SOX5: variants seen among roughly 807,000 people sequenced by gnomAD.
SOX5 encodes the protein SRY-box transcription factor 5.
SOX5 carries 9 observed loss-of-function variants against 92.0 expected under a neutral mutation model. The ratio of observed to expected loss-of-function variants is 0.10; its 90% CI spans 0.06 to 0.17. The LOEUF (loss-of-function observed/expected upper bound fraction) is 0.17, where lower values mean the gene tolerates loss of function less well. SOX5 is among the 10% of genes least tolerant of loss of function. SOX5 has a pLI of 1.00. For missense variants in SOX5, 642 were observed against 944.5 expected (o/e 0.68, Z 4.20); for synonymous variants, 344 against 336.3 (o/e 1.02, Z -0.25).
intron 4 of SOX5, among the ~76,000 whole-genome samples, chr12:23,986,310 C>T (rs748952318): frequency 5.9e-5 from 9 of 151,738 alleles, no homozygotes; most frequent in Non-Finnish European, 1.0e-4. Context: ...GGAAGACATA[C>T]GACAAAATCC....
chr12:23,736,448 C>A (rs1456245087), intron 5 of SOX5, among the ~76,000 whole-genome samples: 2 of 151,700 alleles, frequency 1.3e-5, no homozygotes, highest in Non-Finnish European at 2.9e-5. Flanking sequence ...GGTGACAGAG[C>A]GAGACTCCGT....
At chr12:24,227,426 T>A (rs984249453) in intron 3 of SOX5, 5 of 152,198 alleles carry the variant, frequency 3.3e-5, no homozygotes, top group Non-Finnish European at 5.9e-5. Flanking sequence ...TTGATTTTCC[T>A]TTTACCCTTG....
At chr12:23,796,812 G>C (rs532292540) in intron 3 of SOX5, among the ~76,000 whole-genome samples, 1 of 149,366 alleles carries the variant, frequency 6.7e-6, no homozygotes, top group Non-Finnish European at 1.5e-5. Flanking sequence ...GTATATATGT[G>C]TGTATATTTA....
At chr12:24,112,333 T>C (rs558593995) in intron 4 of SOX5, among the ~76,000 whole-genome samples, 1 of 152,216 alleles carries the variant, frequency 6.6e-6, no homozygotes, top group East Asian at 1.9e-4. Context: ...GTACTATGTA[T>C]AGCTACATTC....
At chr12:24,540,170 C>A (rs1165912461) in intron 1 of SOX5, among the ~76,000 whole-genome samples, 2 of 152,030 alleles carry the variant, frequency 1.3e-5, no homozygotes, top group Non-Finnish European at 1.5e-5. Flanking sequence ...GAAGAATCTG[C>A]CAACATAGGA....
intron 7 of SOX5, among the ~76,000 whole-genome samples, chr12:23,655,791 A>G (rs1437799984): frequency 6.6e-6 from 1 of 152,158 alleles, no homozygotes; most frequent in African/African-American, 2.4e-5. Context: ...TTAAACCTCT[A>G]GAAGTTAATA....
intron 6 of SOX5, among the ~76,000 whole-genome samples, chr12:23,730,192 G>A (rs896136308): frequency 6.6e-6 from 1 of 152,010 alleles, no homozygotes; most frequent in Non-Finnish European, 1.5e-5. Context: ...GATGGGGACT[G>A]TAGAATAGGC....
intron 2 of SOX5, among the ~76,000 whole-genome samples, chr12:24,312,993 T>A (rs1160649234): frequency 6.6e-6 from 1 of 152,168 alleles, no homozygotes; most frequent in Non-Finnish European, 1.5e-5. Context: ...CAGCCCCGGT[T>A]GTATGCTTTT....
intron 4 of SOX5, among the ~76,000 whole-genome samples, chr12:24,097,068 T>C (rs922634176): frequency 6.6e-6 from 1 of 152,160 alleles, no homozygotes; most frequent in Non-Finnish European, 1.5e-5. Flanking sequence ...TTGTTTTAAA[T>C]TCTGACTGTC....
intron 4 of SOX5, among the ~76,000 whole-genome samples, chr12:24,054,300 A>G (rs565801924): frequency 6.6e-6 from 1 of 152,312 alleles, no homozygotes; most frequent in South Asian, 2.1e-4. Context: ...CTGCCAAAGA[A>G]CCTACATCTT....
At chr12:24,064,951 C>T (rs975785232) in intron 4 of SOX5, among the ~76,000 whole-genome samples, 2 of 152,184 alleles carry the variant, frequency 1.3e-5, no homozygotes, top group Non-Finnish European at 2.9e-5. Context: ...ATATATTCCC[C>T]TTAGATACTA....
intron 1 of SOX5, among the ~76,000 whole-genome samples, chr12:24,432,168 G>A (rs1938479538): frequency 1.3e-5 from 2 of 152,232 alleles, no homozygotes; most frequent in South Asian, 2.1e-4. Context: ...TCTGTTGTGG[G>A]TTTTAGCACA....
intron 3 of SOX5, among the ~76,000 whole-genome samples, chr12:23,843,980 T>C (rs915386613): frequency 2.6e-5 from 4 of 152,222 alleles, no homozygotes; most frequent in East Asian, 1.9e-4. Flanking sequence ...AGACTTATGA[T>C]AGGGTTATGT....
chr12:24,537,930 C>A (rs968333525), intron 1 of SOX5, among the ~76,000 whole-genome samples: 5 of 152,150 alleles, frequency 3.3e-5, no homozygotes, highest in Admixed American at 2.6e-4. Context: ...TGGTACTTTT[C>A]CACAGTTACA....
intron 4 of SOX5, among the ~76,000 whole-genome samples, chr12:24,058,120 G>C (rs1245633190): frequency 6.6e-6 from 1 of 152,232 alleles, no homozygotes; most frequent in Non-Finnish European, 1.5e-5. Context: ...TTCTGTAAAA[G>C]GGTTAATGAC....
At chr12:23,781,138 T>C (rs573286956) in intron 3 of SOX5, among the ~76,000 whole-genome samples, 16 of 152,090 alleles carry the variant, frequency 1.1e-4, no homozygotes, top group Admixed American at 3.9e-4. Flanking sequence ...TCCCCATATT[T>C]TGGAAACAGG....
chr12:24,463,579 G>A (rs894542148), intron 1 of SOX5, among the ~76,000 whole-genome samples: 5 of 152,150 alleles, frequency 3.3e-5, no homozygotes, highest in African/African-American at 4.8e-5. Flanking sequence ...CAAAGCTCCC[G>A]TGATACTATC....
At chr12:24,378,660 G>A (rs973744239) in intron 1 of SOX5, among the ~76,000 whole-genome samples, 12 of 152,166 alleles carry the variant, frequency 7.9e-5, no homozygotes, top group Non-Finnish European at 4.4e-5. Context: ...CTGCAACTTA[G>A]CAGATGAATG....
At chr12:24,088,318 G>GAATT (rs891547664) in intron 4 of SOX5, among the ~76,000 whole-genome samples, 4 of 151,912 alleles carry the variant, frequency 2.6e-5, no homozygotes, top group Admixed American at 6.6e-5. Flanking sequence ...AGCTGTCTTA[G>GAATT]AATTGTCTAT....
Sources: gnomAD v4.1 joint callset for allele counts (sites outside exome capture counted in the v4.1 genomes callset) on GRCh38, gnomAD v4.1.1 for gene constraint, MANE v1.5 for transcripts, NCBI Gene and HGNC (gene_info 2026-07-23, HGNC 2026-07-21) for gene names.